The following ADAMTSL1 variants were observed in gnomAD, a reference collection of about 807,000 sequenced individuals.
ADAMTSL1 encodes the protein ADAMTS-like protein 1.
In ADAMTSL1, 126 loss-of-function variants were observed where a neutral mutation model predicts 201.8. The ratio of observed to expected loss-of-function variants is 0.62; its 90% confidence interval spans 0.54 to 0.72. ADAMTSL1 has a LOEUF of 0.72. Ranked by LOEUF, ADAMTSL1 falls within the 30% of genes least tolerant of loss-of-function variation. The probability of loss-of-function intolerance (pLI) is 0.00; values close to 1 mark genes in which losing one functional copy is unlikely to be tolerated. For missense variants in ADAMTSL1, 2,679 were observed against 2,277.8 expected (o/e 1.18, Z -3.59); for synonymous variants, 1,121 against 903.4 (o/e 1.24, Z -4.32).
chr9:17,978,485 T>C (rs1212109823), intron 1 of ADAMTSL1, among the ~76,000 whole-genome samples: 1 of 152,086 alleles, frequency 6.6e-6, no homozygotes, highest in African/African-American at 2.4e-5. Flanking sequence ...TGTATTTCCA[T>C]GAGGCTTACA....
chr9:18,215,288 A>G (rs527961966), intron 2 of ADAMTSL1, among the ~76,000 whole-genome samples: 21 of 152,324 alleles, frequency 1.4e-4, no homozygotes, highest in African/African-American at 5.1e-4. Flanking sequence ...AATACTGAAA[A>G]TAATCTAACA....
chr9:18,061,658 C>T (rs926711130), intron 1 of ADAMTSL1, among the ~76,000 whole-genome samples: 5 of 152,162 alleles, frequency 3.3e-5, no homozygotes, highest in African/African-American at 7.2e-5. Flanking sequence ...TTGCTATGTG[C>T]AGTATAAATA....
At chr9:18,218,951 T>C (rs1830151860) in intron 2 of ADAMTSL1, among the ~76,000 whole-genome samples, 1 of 152,084 alleles carries the variant, frequency 6.6e-6, no homozygotes. Flanking sequence ...AAGGTTCTAA[T>C]TTGATCTTTT....
At chr9:18,866,790 G>A (rs79496899) in intron 23 of ADAMTSL1, among the ~76,000 whole-genome samples, 2,219 of 152,248 alleles carry the variant, frequency 0.015, 27 homozygotes, top group Non-Finnish European at 0.023. Flanking sequence ...TTCAAGTAAC[G>A]GTCCAGAGGA....
At chr9:18,788,938 T>C (rs1197645153) in intron 19 of ADAMTSL1, among the ~76,000 whole-genome samples, 1 of 152,148 alleles carries the variant, frequency 6.6e-6, no homozygotes, top group African/African-American at 2.4e-5. Flanking sequence ...TGGAAATAAC[T>C]AGTTGTCCTT....
At chr9:18,289,810 T>C (rs1833178916) in intron 2 of ADAMTSL1, among the ~76,000 whole-genome samples, 1 of 152,216 alleles carries the variant, frequency 6.6e-6, no homozygotes. Flanking sequence ...TGAAAAACTT[T>C]CTTCTCTTGA....
intron 25 of ADAMTSL1, chr9:18,890,724 C>T (rs186188364): frequency 2.2e-5 from 8 of 363,734 alleles, no homozygotes; most frequent in Admixed American, 2.0e-4. Flanking sequence ...TTCTCAAACC[C>T]CCCCCACCCC....
chr9:18,155,266 T>A (rs1223614164), intron 1 of ADAMTSL1, among the ~76,000 whole-genome samples: 1 of 152,088 alleles, frequency 6.6e-6, no homozygotes, highest in Non-Finnish European at 1.5e-5. Context: ...CGACTTTGTA[T>A]GAAATTAAAT....
intron 1 of ADAMTSL1, among the ~76,000 whole-genome samples, chr9:17,946,017 G>T (rs1003846117): frequency 6.0e-5 from 9 of 150,836 alleles, no homozygotes; most frequent in Non-Finnish European, 1.0e-4. Flanking sequence ...TTTTCTGTAT[G>T]TTCGTAATTC....
At chr9:17,988,980 T>G (rs1422595919) in intron 1 of ADAMTSL1, among the ~76,000 whole-genome samples, 2 of 152,012 alleles carry the variant, frequency 1.3e-5, no homozygotes, top group African/African-American at 4.8e-5. Context: ...AAATGATTTT[T>G]GTCAGGTAGG....
At chr9:18,629,057 A>T (rs1218597399) in intron 5 of ADAMTSL1, among the ~76,000 whole-genome samples, 1 of 152,106 alleles carries the variant, frequency 6.6e-6, no homozygotes. Flanking sequence ...ATGTCCAATT[A>T]TATATTCCTA....
chr9:18,005,521 C>A (rs965194410), intron 1 of ADAMTSL1, among the ~76,000 whole-genome samples: 1 of 152,060 alleles, frequency 6.6e-6, no homozygotes, highest in East Asian at 1.9e-4. Flanking sequence ...TCAGCCCCAA[C>A]AGGTCCCTTA....
At position 18,533,234 on chromosome 9, in the gene ADAMTSL1, T is replaced by G. The variant is rs749096030; in HGVS notation, c.192-13T>G. 1.7e-5 allele frequency: 28 copies of G among 1,602,544 alleles called. No individual in the cohort carries two copies. Among genetic ancestry groups the G allele is most frequent in the Non-Finnish European group, 2.2e-5 (26 of 1,175,368 alleles). Reference sequence around the variant, plus strand: ...ATAAGTAGTAATATTTCTTTTTTCTTTTTGCAACTTAGGAGCTGTGAAGGA... The same window carrying G: ...ATAAGTAGTAATATTTCTTTTTTCTGTTTGCAACTTAGGAGCTGTGAAGGA... On this transcript the variant is annotated splice_polypyrimidine_tract_variant and intron_variant, in intron 2 of 28. Transcript: ENST00000380548.
In ADAMTSL1 at chr9:18,254,570, A is replaced by G. The variant is rs540095778; in HGVS notation, c.207+90589A>G. On this transcript the variant is annotated intron_variant, in intron 2 of 29. Coordinates refer to the ADAMTSL1 transcript ENST00000680146. ...AGTAAAGACGGGGTTTCACCATGTTAGCCAGGATGGTCTCGATCTCCTGAC... is the reference window on the plus strand; with the variant it reads ...AGTAAAGACGGGGTTTCACCATGTTGGCCAGGATGGTCTCGATCTCCTGAC... Among the ~76,000 whole-genome samples the G allele has an allele frequency of 8.1e-3, 1,234 of 151,440 alleles. 7 individuals are homozygous for G. Among genetic ancestry groups the G allele is most frequent in the Non-Finnish European group, 0.011 (745 of 67,814 alleles).
intron 3 of ADAMTSL1, among the ~76,000 whole-genome samples, chr9:18,538,319 T>C (rs1273459310): frequency 6.6e-6 from 1 of 152,100 alleles, no homozygotes; most frequent in East Asian, 1.9e-4. Context: ...CATTGTTGTG[T>C]GAAACAGGAG....
At chr9:17,925,832 G>A (rs1371800243) in intron 1 of ADAMTSL1, among the ~76,000 whole-genome samples, 1 of 137,226 alleles carries the variant, frequency 7.3e-6, no homozygotes, top group Non-Finnish European at 1.6e-5. Context: ...ATGTGCACAT[G>A]TACCCTAAAA....
chr9:17,968,487 T>C (rs1369788963), intron 1 of ADAMTSL1, among the ~76,000 whole-genome samples: 1 of 152,168 alleles, frequency 6.6e-6, no homozygotes, highest in African/African-American at 2.4e-5. Context: ...GATGAAATTA[T>C]AACCCCACTA....
At chr9:17,979,526 AT>A (rs35573329) in intron 1 of ADAMTSL1, among the ~76,000 whole-genome samples, 107,951 of 146,330 alleles carry the variant, frequency 0.74, 40,638 homozygotes, top group East Asian at 0.91. Flanking sequence ...TCAGCCATGG[AT>A]TTTTTTTTTT....
At chr9:18,656,642 A>AG (rs1258302746) in intron 7 of ADAMTSL1, among the ~76,000 whole-genome samples, 6 of 151,716 alleles carry the variant, frequency 4.0e-5, no homozygotes, top group Admixed American at 2.6e-4. Context: ...AAAAAAAAAA[A>AG]AAAGAAAATG....
Sources: gnomAD v4.1 joint callset for allele counts (sites outside exome capture counted in the v4.1 genomes callset) on GRCh38, gnomAD v4.1.1 for gene constraint, MANE v1.5 for transcripts, NCBI Gene and HGNC (gene_info 2026-07-23, HGNC 2026-07-21) for gene names.